Variants in CNBD1 observed in about 807,000 individuals in gnomAD.
CNBD1 encodes the protein cyclic nucleotide binding domain containing 1, also known as cyclic nucleotide-binding domain-containing protein 1.
Under a neutral mutation model 54.4 loss-of-function variants are expected in CNBD1, and 71 were observed. The observed-to-expected ratio is 1.30, with a 90% CI of 1.08 to 1.59. CNBD1 has a LOEUF of 1.59. CNBD1 is among the 40% of genes most tolerant of loss of function. The pLI is 0.00. For missense variants in CNBD1, 659 were observed against 518.0 expected, an observed-to-expected ratio of 1.27 and a Z score of -2.64; for synonymous variants, 182 against 170.7, an observed-to-expected ratio of 1.07 and a Z score of -0.51.
At chr8:86,992,804 G>T (rs35209568) in intron 4 of CNBD1, among the ~76,000 whole-genome samples, 2 of 152,026 alleles carry the variant, frequency 1.3e-5, no homozygotes, top group Admixed American at 1.3e-4. Context: ...ACAATTTCTG[G>T]CTTGTAAGGT....
At chr8:87,401,321 T>G (rs1003134092) in intron 2 of CNBD1, among the ~76,000 whole-genome samples, 2 of 151,996 alleles carry the variant, frequency 1.3e-5, no homozygotes, top group Non-Finnish European at 2.9e-5. Context: ...TCAAAGAGAT[T>G]GCTAATGCCT....
intron 4 of CNBD1, among the ~76,000 whole-genome samples, chr8:87,135,950 C>T (rs1388748567): frequency 6.6e-6 from 1 of 151,862 alleles, no homozygotes; most frequent in Non-Finnish European, 1.5e-5. Flanking sequence ...CAATTAAAGT[C>T]AGTGGTATGT....
intron 4 of CNBD1, among the ~76,000 whole-genome samples, chr8:87,184,627 C>G (rs956338329): frequency 6.6e-6 from 1 of 152,196 alleles, no homozygotes; most frequent in Admixed American, 6.5e-5. Context: ...GTGGGCTGCT[C>G]CATGCTTATT....
chr8:87,046,634 G>A (rs1810196388), intron 4 of CNBD1, among the ~76,000 whole-genome samples: 1 of 152,142 alleles, frequency 6.6e-6, no homozygotes, highest in Admixed American at 6.5e-5. Flanking sequence ...GCTAGTCTTT[G>A]CATCCGCTTC....
At chr8:86,958,799 CT>C (rs1272011534) in intron 4 of CNBD1, among the ~76,000 whole-genome samples, 3 of 152,056 alleles carry the variant, frequency 2.0e-5, no homozygotes, top group Non-Finnish European at 2.9e-5. Context: ...CAGTATGTGT[CT>C]TTTATTTGGA....
At chr8:87,421,961 G>T (rs1205266007) in intron 2 of CNBD1, among the ~76,000 whole-genome samples, 1 of 149,482 alleles carries the variant, frequency 6.7e-6, no homozygotes, top group Admixed American at 6.7e-5. Flanking sequence ...TTTAATGATC[G>T]CCATTCTAAC....
At chr8:87,253,676 AATAG>A (rs148505111) in intron 6 of CNBD1, among the ~76,000 whole-genome samples, 45 of 152,284 alleles carry the variant, frequency 3.0e-4, no homozygotes, top group African/African-American at 1.1e-3. Context: ...TTGTGGCCGA[AATAG>A]ATAGATTGAC....
rs527971117 is a variant in CNBD1, at chr8:86,911,518, A to G, written c.272+6324A>G. 8.5e-5 allele frequency among the ~76,000 whole-genome samples: 13 copies of G among 152,308 alleles called. No individual in the cohort carries two copies. The South Asian group carries it at 2.7e-3, about 32-fold the overall frequency. ...TTTTGGACATGTGATATTTTGATAA[A>G]TTTATATTGTGTATAATAATCAAAT... On this transcript the variant is annotated intron_variant, in intron 3 of 10. Transcript: ENST00000518476.
At position 87,369,260 on chromosome 8, in the gene CNBD1, C is replaced by G. The variant is rs76627661; in HGVS notation, c.1304-13360C>G. Among the ~76,000 whole-genome samples, 1,476 of 152,036 alleles carry G rather than the reference C, an allele frequency of 9.7e-3. 21 individuals are homozygous for G. Among genetic ancestry groups the G allele is most frequent in the African/African-American group, 0.033 (1,360 of 41,472 alleles). ...TGATATAGCTAAGAAGCCCTGAACT[C>G]AAGTGTAAGATTTGGTTTCCTAGGT... On this transcript the variant is annotated intron_variant, in intron 10 of 10. Transcript: ENST00000518476.
At chr8:87,030,261 A>C (rs890552562) in intron 4 of CNBD1, among the ~76,000 whole-genome samples, 2 of 152,224 alleles carry the variant, frequency 1.3e-5, no homozygotes, top group Non-Finnish European at 2.9e-5. Flanking sequence ...CCATTTAAAA[A>C]CATAAACACT....
chr8:87,201,333 T>C (rs971371470), intron 4 of CNBD1, among the ~76,000 whole-genome samples: 4 of 152,132 alleles, frequency 2.6e-5, no homozygotes, highest in African/African-American at 4.8e-5. Context: ...TACAAAGATA[T>C]CTACTCTGGC....
In CNBD1 at chr8:87,226,868, G is replaced by A. The variant is rs1164417473; in HGVS notation, c.578-10051G>A. On this transcript the variant is annotated intron_variant, in intron 5 of 10. Coordinates refer to ENST00000518476, the MANE Select transcript of CNBD1 (RefSeq NM_173538.3). ...TAAAGTCTCCCATTATTAATGTGTG[G>A]GAATCTGAGTCTCTTTGTAGGTCAC... Among the ~76,000 whole-genome samples the A allele has an allele frequency of 2.6e-5, 4 of 151,220 alleles. No individual in the cohort carries two copies. The East Asian group carries it at 7.7e-4, about 29-fold the overall frequency.
chr8:87,031,256 A>T (rs1809784187), intron 4 of CNBD1, among the ~76,000 whole-genome samples: 1 of 151,954 alleles, frequency 6.6e-6, no homozygotes, highest in Non-Finnish European at 1.5e-5. Context: ...AACACAAGTA[A>T]CATTTTTGCA....
At chr8:87,426,829 C>T (rs1240835178) in intron 2 of CNBD1, among the ~76,000 whole-genome samples, 1 of 152,064 alleles carries the variant, frequency 6.6e-6, no homozygotes, top group African/African-American at 2.4e-5. Flanking sequence ...ATTGACAGAC[C>T]CAAAAGGTAC....
chr8:87,409,461 G>A (rs1240623501), intron 2 of CNBD1, among the ~76,000 whole-genome samples: 1 of 152,182 alleles, frequency 6.6e-6, no homozygotes, highest in Non-Finnish European at 1.5e-5. Context: ...AGCAAGTGCT[G>A]ATGTAGATGC....
chr8:87,213,842 A>G (rs1001915446), intron 5 of CNBD1, among the ~76,000 whole-genome samples: 16 of 152,188 alleles, frequency 1.1e-4, no homozygotes, highest in African/African-American at 3.9e-4. Context: ...AGTCCCGTCC[A>G]CCTGTGAGCC....
intron 4 of CNBD1, among the ~76,000 whole-genome samples, chr8:87,034,281 A>G (rs570419741): frequency 2.6e-5 from 4 of 152,330 alleles, no homozygotes; most frequent in African/African-American, 9.6e-5. Context: ...TTCAAGGTTT[A>G]TGGTATTGCA....
chr8:87,293,267 G>A (rs748234711), intron 8 of CNBD1, among the ~76,000 whole-genome samples: 4 of 152,020 alleles, frequency 2.6e-5, no homozygotes, highest in Non-Finnish European at 4.4e-5. Context: ...AAGTCAGGCC[G>A]GACACAGTGG....
At chr8:87,087,463 CTTTT>C (rs758497467) in intron 4 of CNBD1, among the ~76,000 whole-genome samples, 4 of 127,914 alleles carry the variant, frequency 3.1e-5, no homozygotes, top group Non-Finnish European at 3.3e-5. Context: ...GAAGTACATT[CTTTT>C]TTTTTTTTTT....
Sources: allele counts gnomAD v4.1 joint callset (sites outside exome capture counted in the v4.1 genomes callset), GRCh38; gene constraint gnomAD v4.1.1; transcripts MANE v1.5; gene names NCBI Gene and HGNC (gene_info 2026-07-23, HGNC 2026-07-21).